IL19: variants seen among roughly 807,000 people sequenced by gnomAD.
IL19 encodes the protein interleukin-19.
IL19 carries 15 observed loss-of-function variants against 19.5 expected under a neutral mutation model. That is an observed-to-expected ratio of 0.77 (90% CI 0.52 to 1.19). IL19 has a LOEUF of 1.19. Ranked by LOEUF, IL19 falls within the 50% of genes most tolerant of loss-of-function variation. IL19 has a pLI of 0.00. For missense variants in IL19, 199 were observed against 213.1 expected, an observed-to-expected ratio of 0.93 and a Z score of 0.41; for synonymous variants, 78 against 78.3, an observed-to-expected ratio of 1.00 and a Z score of 0.02.
chr1:206,840,895 C>T, intron 5 of IL19, 109 bp from the exon 6 acceptor site: 1 of 865,882 alleles, frequency 1.2e-6, no homozygotes, highest in Non-Finnish European at 1.9e-6. Flanking sequence ...TCATCTGACT[C>T]TCACTGTGGG....
chr1:206,809,053 T>C (rs1675932821), intron 2 of IL19, among the ~76,000 whole-genome samples: 1 of 152,214 alleles, frequency 6.6e-6, no homozygotes, highest in South Asian at 2.1e-4. Context: ...AGCTGCTCTC[T>C]GTTCTTGGCA....
At chr1:206,839,190 G>T (rs573327021) in intron 4 of IL19, among the ~76,000 whole-genome samples, 2 of 152,344 alleles carry the variant, frequency 1.3e-5, no homozygotes, top group African/African-American at 4.8e-5. Flanking sequence ...TCTGCACTCT[G>T]CAGGCTGCAG....
At chr1:206,807,252 C>T (rs1182746883) in intron 2 of IL19, among the ~76,000 whole-genome samples, 1 of 152,172 alleles carries the variant, frequency 6.6e-6, no homozygotes, top group Non-Finnish European at 1.5e-5. Flanking sequence ...AACTACAATT[C>T]AAGATGAGAT....
chr1:206,795,130 A>G (rs1675493258), intron 1 of IL19, among the ~76,000 whole-genome samples: 1 of 152,206 alleles, frequency 6.6e-6, no homozygotes, highest in Non-Finnish European at 1.5e-5. Context: ...AGATCCAGAC[A>G]CAAGGGCCAG....
At chr1:206,816,462 G>C (rs1433368113) in intron 2 of IL19, among the ~76,000 whole-genome samples, 1 of 152,160 alleles carries the variant, frequency 6.6e-6, no homozygotes, top group Non-Finnish European at 1.5e-5. Flanking sequence ...AAGGCAGACT[G>C]TGGTGAGTTA....
At chr1:206,808,916 A>G (rs59283464) in intron 2 of IL19, among the ~76,000 whole-genome samples, 49,000 of 151,970 alleles carry the variant, frequency 0.32, 8,310 homozygotes, top group East Asian at 0.42. Flanking sequence ...CCTGGGTGGG[A>G]CATCATGAGT....
chr1:206,815,361 T>C (rs1035238688), intron 2 of IL19, among the ~76,000 whole-genome samples: 2 of 152,160 alleles, frequency 1.3e-5, no homozygotes, highest in Non-Finnish European at 2.9e-5. Flanking sequence ...GGGAAGAATG[T>C]CAAATAATTT....
chr1:206,819,580 T>TAA lies in IL19; in HGVS notation c.-2-17069_-2-17068dup, dbSNP rs35953153. Among the ~76,000 whole-genome samples the TAA allele has an allele frequency of 2.0e-3, 295 of 145,228 alleles. 2 individuals are homozygous for TAA. Among genetic ancestry groups the TAA allele is most frequent in the Middle Eastern group, 0.014 (4 of 278 alleles). On this transcript the variant is annotated intron_variant, in intron 2 of 6. Coordinates refer to ENST00000659997, the MANE Select transcript of IL19 (RefSeq NM_153758.5). Reference sequence around the variant, plus strand: ...CTGGGTGACAGAGCAAGACTCCGTCTAAAAAAAAAAAAAGGAAAACTCAGT... The same window carrying TAA: ...CTGGGTGACAGAGCAAGACTCCGTCTAAAAAAAAAAAAAAAGGAAAACTCAGT...
intron 1 of IL19, among the ~76,000 whole-genome samples, chr1:206,778,757 C>A (rs1220365345): frequency 6.6e-6 from 1 of 152,184 alleles, no homozygotes; most frequent in African/African-American, 2.4e-5. Context: ...ATCCAGTGCA[C>A]CCTCGCTCAG....
intron 1 of IL19, among the ~76,000 whole-genome samples, chr1:206,783,799 G>A (rs1223247106): frequency 6.6e-6 from 1 of 152,160 alleles, no homozygotes; most frequent in Non-Finnish European, 1.5e-5. Context: ...TTTCCCATCT[G>A]TGTGACCTTG....
At chr1:206,772,292 G>A (rs745923816) in intron 1 of IL19, 1 of 1,614,050 alleles carries the variant, frequency 6.2e-7, no homozygotes, top group African/African-American at 1.3e-5. Context: ...TCACTCTGCT[G>A]AAGGCATCTC....
At chr1:206,834,491 A>T in intron 2 of IL19, 1 of 952,472 alleles carries the variant, frequency 1.0e-6, no homozygotes, top group Non-Finnish European at 1.3e-6. Flanking sequence ...ACCTGTTACC[A>T]TTGTGTATGG....
At chr1:206,817,803 G>T (rs372959890) in intron 2 of IL19, among the ~76,000 whole-genome samples, 5 of 147,348 alleles carry the variant, frequency 3.4e-5, no homozygotes, top group African/African-American at 1.3e-4. Flanking sequence ...TTTCTCTTTT[G>T]CCCAGGCTGG....
intron 2 of IL19, among the ~76,000 whole-genome samples, chr1:206,826,000 A>G (rs936627137): frequency 6.6e-6 from 1 of 152,212 alleles, no homozygotes; most frequent in Non-Finnish European, 1.5e-5. Context: ...CTGGCCACTA[A>G]CTGTTATACA....
At chr1:206,776,257 T>C (rs1371187625) in intron 1 of IL19, among the ~76,000 whole-genome samples, 3 of 152,154 alleles carry the variant, frequency 2.0e-5, no homozygotes, top group Non-Finnish European at 4.4e-5. Context: ...TTCTGCATTC[T>C]TGTTCTCCTA....
chr1:206,772,864 G>T (rs1479348406), intron 1 of IL19, among the ~76,000 whole-genome samples: 1 of 152,148 alleles, frequency 6.6e-6, no homozygotes, highest in Non-Finnish European at 1.5e-5. Context: ...GCCCATTCCA[G>T]AATACAATGG....
rs140401216 is a variant in IL19, at chr1:206,835,565, T to C, written c.-2-1096T>C. On this transcript the variant is annotated intron_variant, in intron 2 of 6. Transcript: ENST00000659997. ...TCACACGTGTGAGTTACAGCAGCTTTAACTATAGCTCTACAGTCCTCGCAG... is the reference window on the plus strand; with the variant it reads ...TCACACGTGTGAGTTACAGCAGCTTCAACTATAGCTCTACAGTCCTCGCAG... 7.9e-5 allele frequency among the ~76,000 whole-genome samples: 12 copies of C among 152,304 alleles called. No homozygotes were observed. The East Asian group carries it at 1.7e-3, about 22-fold the overall frequency.
intron 1 of IL19, among the ~76,000 whole-genome samples, chr1:206,797,243 G>T (rs1315916552): frequency 1.3e-5 from 2 of 151,012 alleles, no homozygotes; most frequent in African/African-American, 4.9e-5. Context: ...ATGGGATTTT[G>T]CCAAGTCAGT....
chr1:206,826,162 G>A (rs374308579), intron 2 of IL19, among the ~76,000 whole-genome samples: 5 of 152,222 alleles, frequency 3.3e-5, no homozygotes, highest in Non-Finnish European at 1.5e-5. Context: ...GGAAGATAAT[G>A]CGGTGAGGGC....
Sources: gnomAD v4.1 joint callset for allele counts (sites outside exome capture counted in the v4.1 genomes callset) on GRCh38, gnomAD v4.1.1 for gene constraint, MANE v1.5 for transcripts, NCBI Gene and HGNC (gene_info 2026-07-23, HGNC 2026-07-21) for gene names.